Variants in PCDHGA8 observed in about 807,000 individuals in gnomAD.
PCDHGA8 encodes the protein protocadherin gamma subfamily A, 8.
In PCDHGA8, 45 loss-of-function variants were observed where a neutral mutation model predicts 59.2. The observed-to-expected ratio is 0.76, with a 90% CI of 0.60 to 0.98. PCDHGA8 has a LOEUF of 0.98. Among genes scored for constraint, PCDHGA8 ranks in the 50% least tolerant of loss-of-function variants. The pLI, the probability that PCDHGA8 is intolerant of heterozygous loss-of-function variation, is 0.00. For synonymous variants in PCDHGA8, 531 were observed against 519.0 expected (o/e 1.02, Z -0.32); for missense variants, 1,257 against 1,196.2 (o/e 1.05, Z -0.75).
In PCDHGA8 at chr5:141,487,737, T is replaced by G. The variant is rs1019622307; in HGVS notation, c.2425-7070T>G. 1 of 1,563,758 alleles carries G rather than the reference T, an allele frequency of 6.4e-7. No homozygotes were observed. The highest frequency in any genetic ancestry group is 8.7e-7 in the Non-Finnish European group (1 of 1,152,772). On this transcript the variant is annotated intron_variant, in intron 1 of 3. Transcript: ENST00000398604. This position sits in a 1 kb window ranked among gnomAD's most constrained non-coding sequence, Gnocchi z 5.0. ...GCCCATAGTGATGTCACCATTTTTG[T>G]AAGAGGTAACTATGTGGTAGACGCT...
chr5:141,428,304 G>C, intron 1 of PCDHGA8: 1 of 695,706 alleles, frequency 1.4e-6, no homozygotes, highest in South Asian at 1.6e-5. Flanking sequence ...AGATTTACCT[G>C]GTCGTGGCCT....
rs538734954 is a variant in PCDHGA8 at position 141,494,863 on chromosome 5, C to T, written c.2481C>T (p.Ser827=). The change falls in exon 2 of 4, where the codon AGC becomes AGT. Residue 827 remains serine, a splice_region_variant and synonymous_variant. Coordinates refer to ENST00000398604, the MANE Select transcript of PCDHGA8 (RefSeq NM_032088.2). The part of the protein sequence containing the change: ...RFSQAQRPGT[S]GSQNGDDTGT... ...CTCAGGCCCAGAGACCCGGCACCAG[C>T]GGGTAGGTGACTGATTCTCCAGCCC... 2 of 1,614,118 alleles carry T rather than the reference C, an allele frequency of 1.2e-6. No individual in the cohort carries two copies. Among genetic ancestry groups the T allele is most frequent in the East Asian group, 2.2e-5 (1 of 44,874 alleles).
chr5:141,410,849 CTTTTTTTTT>C (rs759346998), intron 1 of PCDHGA8: 2 of 136,714 alleles, frequency 1.5e-5, no homozygotes, highest in African/African-American at 6.3e-5. Context: ...TTGTCTTTGT[CTTTTTTTTT>C]TTTTTTTTTT....
intron 1 of PCDHGA8, among the ~76,000 whole-genome samples, chr5:141,457,415 C>T (rs185690067): frequency 3.9e-4 from 60 of 152,300 alleles, no homozygotes; most frequent in African/African-American, 1.3e-3. Flanking sequence ...CATTACCCAT[C>T]CCTTTTTCCC....
intron 1 of PCDHGA8, chr5:141,478,242 T>C (rs750487479): frequency 6.2e-7 from 1 of 1,614,156 alleles, no homozygotes; most frequent in Admixed American, 1.7e-5. Context: ...GTGGTCACAG[T>C]GTTCGGAGTA....
intron 1 of PCDHGA8, among the ~76,000 whole-genome samples, chr5:141,443,771 A>G (rs1031470429): frequency 9.2e-5 from 14 of 152,238 alleles, no homozygotes; most frequent in African/African-American, 3.1e-4. Context: ...ATACAATATT[A>G]CCAAAAAGAC....
intron 1 of PCDHGA8, among the ~76,000 whole-genome samples, chr5:141,407,382 A>G (rs1158380926): frequency 6.6e-6 from 1 of 152,218 alleles, no homozygotes; most frequent in Non-Finnish European, 1.5e-5. Context: ...GAAGGCTTGT[A>G]TGTCATGGTA....
intron 1 of PCDHGA8, among the ~76,000 whole-genome samples, chr5:141,454,796 A>ATTTTTTTTTTT (rs61612330): frequency 0.014 from 1,093 of 77,476 alleles, 165 homozygotes; most frequent in African/African-American, 0.018. Flanking sequence ...CATGGTTCTA[A>ATTTTTTTTTTT]TTTTTTTTTT....
chr5:141,407,497 G>GTTTTTTTTTTTTTTTTTTTTTTTTTT (rs1554102286), intron 1 of PCDHGA8, among the ~76,000 whole-genome samples: 1 of 152,086 alleles, frequency 6.6e-6, no homozygotes, highest in African/African-American at 2.4e-5. Context: ...CTTTATTTCT[G>GTTTTTTTTTTTTTTTTTTTTTTTTTT]TTTTTCTTAG....
chr5:141,415,039 G>A (rs761101620), intron 1 of PCDHGA8: 1 of 1,613,486 alleles, frequency 6.2e-7, no homozygotes, highest in South Asian at 1.1e-5. Context: ...GGGACTCTTC[G>A]CGGTGGGGGA....
intron 1 of PCDHGA8, chr5:141,417,860 A>G (rs1168739756): frequency 7.7e-6 from 12 of 1,549,390 alleles, no homozygotes; most frequent in African/African-American, 1.4e-5. Flanking sequence ...CGAGCGAACG[A>G]TGGGAGGGAG....
intron 1 of PCDHGA8, among the ~76,000 whole-genome samples, chr5:141,406,686 T>G (rs918855962): frequency 1.3e-5 from 2 of 152,244 alleles, no homozygotes; most frequent in African/African-American, 4.8e-5. Flanking sequence ...TAGGACATTC[T>G]TCTTTTCTAT....
At chr5:141,416,530 G>A (rs976560428) in intron 1 of PCDHGA8, 2 of 152,160 alleles carry the variant, frequency 1.3e-5, no homozygotes, top group Non-Finnish European at 2.9e-5. Flanking sequence ...GCTCTTTAAT[G>A]TATAAGGAGG....
chr5:141,400,694 C>G, intron 1 of PCDHGA8: 2 of 763,776 alleles, frequency 2.6e-6, no homozygotes, highest in Non-Finnish European at 4.2e-6. Flanking sequence ...GTTTTTATGT[C>G]GCATAAAAGA....
intron 1 of PCDHGA8, chr5:141,418,409 G>A (rs2096254230): frequency 6.2e-7 from 1 of 1,613,792 alleles, no homozygotes; most frequent in African/African-American, 1.3e-5. Context: ...GGTGGAGAAA[G>A]ACAATCCTGA....
intron 1 of PCDHGA8, chr5:141,409,494 C>G (rs755680835): frequency 6.2e-7 from 1 of 1,614,028 alleles, no homozygotes; most frequent in Non-Finnish European, 8.5e-7. Flanking sequence ...GGCAAGCCGC[C>G]TCTTTCTTCC....
At position 141,485,892 on chromosome 5, in the gene PCDHGA8, C is replaced by T; in HGVS notation, c.2425-8915C>T. On this transcript the variant is annotated intron_variant, in intron 1 of 3. Coordinates refer to ENST00000398604, the MANE Select transcript of PCDHGA8 (RefSeq NM_032088.2). The surrounding 1 kb of genome is among the most constrained non-coding windows in gnomAD (Gnocchi z 5.7). ...GTGCTGGACGTAAACGACAACGCCC[C>T]AGCCTTCCAGCAATCCAGCTACAGG... is the stretch of plus-strand genomic sequence containing the variant. 6.2e-7 allele frequency: 1 copy of T among 1,614,194 alleles called. No individual in the cohort carries two copies.
At chr5:141,418,065 G>T in intron 1 of PCDHGA8, 1 of 1,614,064 alleles carries the variant, frequency 6.2e-7, no homozygotes, top group East Asian at 2.2e-5. Context: ...CTGCGAGTGA[G>T]CGCGGAGAAG....
chr5:141,422,519 C>G, intron 1 of PCDHGA8: 1 of 1,613,968 alleles, frequency 6.2e-7, no homozygotes, highest in Non-Finnish European at 8.5e-7. Flanking sequence ...CAGGGAAGCC[C>G]GCCTTTGTCT....
Sources: allele counts gnomAD v4.1 joint callset (sites outside exome capture counted in the v4.1 genomes callset), GRCh38; gene constraint gnomAD v4.1.1; non-coding constraint Gnocchi (gnomAD v3.1); transcripts MANE v1.5; gene names NCBI Gene and HGNC (gene_info 2026-07-23, HGNC 2026-07-21).